NUDCD3: variants seen among roughly 807,000 people sequenced by gnomAD.
NUDCD3 encodes the protein nudC domain-containing protein 3.
In NUDCD3, 13 loss-of-function variants were observed where a neutral mutation model predicts 39.7. The ratio of observed to expected loss-of-function variants is 0.33; its 90% CI spans 0.21 to 0.52. The LOEUF is 0.52. Among genes scored for constraint, NUDCD3 ranks in the 20% least tolerant of loss-of-function variants. The pLI, the probability that NUDCD3 is intolerant of heterozygous loss-of-function variation, is 0.96. For missense variants in NUDCD3, 453 were observed against 458.1 expected (o/e 0.99, Z 0.10); for synonymous variants, 175 against 172.4 (o/e 1.02, Z -0.12).
At chr7:44,436,541 A>G (rs563867655) in intron 2 of NUDCD3, among the ~76,000 whole-genome samples, 41 of 152,334 alleles carry the variant, frequency 2.7e-4, no homozygotes, top group African/African-American at 9.4e-4. Context: ...TACTCTCACC[A>G]GCAAAGTGGG....
Position 44,392,490 on chromosome 7 carries a change from G to T in NUDCD3, c.787-5C>A, listed in dbSNP as rs754743111. ...GCCCACCTTGCTCAGGTTCACCTGGGGACAAGCAGGACAGAGACCTGAGTC... is the reference window on the plus strand; with the variant it reads ...GCCCACCTTGCTCAGGTTCACCTGGTGACAAGCAGGACAGAGACCTGAGTC... On this transcript the variant is annotated splice_region_variant and splice_polypyrimidine_tract_variant and intron_variant, in intron 4 of 5. Coordinates refer to ENST00000355451, the MANE Select transcript of NUDCD3 (RefSeq NM_015332.4). 1 of 1,613,008 alleles carries T rather than the reference G, an allele frequency of 6.2e-7. No individual in the cohort carries two copies. Among genetic ancestry groups the T allele is most frequent in the Non-Finnish European group, 8.5e-7 (1 of 1,179,368 alleles).
intron 2 of NUDCD3, among the ~76,000 whole-genome samples, chr7:44,434,865 A>C (rs1184067573): frequency 6.6e-6 from 1 of 152,222 alleles, no homozygotes; most frequent in East Asian, 1.9e-4. Flanking sequence ...GGGAACACTA[A>C]TAGCATCTCT....
intron 3 of NUDCD3, among the ~76,000 whole-genome samples, chr7:44,411,034 T>C (rs1300313585): frequency 6.6e-6 from 1 of 152,062 alleles, no homozygotes; most frequent in Non-Finnish European, 1.5e-5. Flanking sequence ...CCAAGACAAT[T>C]CAATGGGAAA....
At chr7:44,430,698 A>G (rs1442539868) in intron 2 of NUDCD3, among the ~76,000 whole-genome samples, 1 of 152,158 alleles carries the variant, frequency 6.6e-6, no homozygotes, top group Non-Finnish European at 1.5e-5. Flanking sequence ...CTCTCAAGAA[A>G]GGAGAATGAG....
intron 4 of NUDCD3, chr7:44,402,821 C>A: frequency 2.5e-6 from 1 of 395,720 alleles, no homozygotes; most frequent in Non-Finnish European, 5.2e-6. Flanking sequence ...TAGTGTAATA[C>A]AGGCGGCCAG....
chr7:44,487,262 G>A (rs925324552), intron 1 of NUDCD3, among the ~76,000 whole-genome samples: 1 of 152,114 alleles, frequency 6.6e-6, no homozygotes, highest in African/African-American at 2.4e-5. Context: ...GGAAACGTAT[G>A]AGCTGCCTAA....
At chr7:44,388,199 C>T (rs892581854) in intron 5 of NUDCD3, among the ~76,000 whole-genome samples, 7 of 152,242 alleles carry the variant, frequency 4.6e-5, no homozygotes, top group Admixed American at 1.3e-4. Flanking sequence ...TCTGAGTTCA[C>T]ACCATAAATG....
intron 2 of NUDCD3, among the ~76,000 whole-genome samples, chr7:44,437,588 C>T (rs1799492000): frequency 6.6e-6 from 1 of 152,096 alleles, no homozygotes; most frequent in Non-Finnish European, 1.5e-5. Flanking sequence ...GTGTGGGGGC[C>T]ACAGGGGTTG....
At chr7:44,406,996 G>T (rs1798835074) in intron 3 of NUDCD3, among the ~76,000 whole-genome samples, 1 of 152,152 alleles carries the variant, frequency 6.6e-6, no homozygotes, top group Admixed American at 6.5e-5. Flanking sequence ...AAAGGGACAG[G>T]AATCCCTCTG....
At chr7:44,446,070 G>A (rs1203484710) in intron 2 of NUDCD3, among the ~76,000 whole-genome samples, 1 of 152,148 alleles carries the variant, frequency 6.6e-6, no homozygotes, top group African/African-American at 2.4e-5. Context: ...CTTACCTATG[G>A]GTCTATGCCA....
chr7:44,431,257 T>G (rs1703002409), intron 2 of NUDCD3, among the ~76,000 whole-genome samples: 1 of 151,376 alleles, frequency 6.6e-6, no homozygotes. Context: ...AGGGTGGGAG[T>G]AGGAAAGTGA....
chr7:44,479,255 G>T (rs1488860205), intron 2 of NUDCD3, among the ~76,000 whole-genome samples: 1 of 152,146 alleles, frequency 6.6e-6, no homozygotes, highest in East Asian at 1.9e-4. Context: ...TCTTGACTGT[G>T]GTGGTTACAA....
Position 44,385,937 on chromosome 7 carries a change from C to A in NUDCD3, c.*74G>T, listed in dbSNP as rs998681786. 1.3e-6 allele frequency: 1 copy of A among 786,496 alleles called. No homozygotes were observed. The highest frequency in any genetic ancestry group is 1.8e-5 in the Admixed American group (1 of 55,192). The allele number at this position is 786,496 out of a possible 1,614,324, so 48.7% of individuals were successfully genotyped here. A position where few individuals can be genotyped will look rare whatever the true frequency, so the allele number is the denominator to read the frequency against. ...ACAAGACGAGCAAGTCCCTGGAATG[C>A]AGGGAGCCAAGAAGGGCAGCCGAGG... On this transcript the variant is annotated 3_prime_UTR_variant, in exon 6 of 6. Coordinates refer to ENST00000355451, the MANE Select transcript of NUDCD3 (RefSeq NM_015332.4).
chr7:44,422,174 C>T (rs1486120773), intron 3 of NUDCD3, among the ~76,000 whole-genome samples: 1 of 152,146 alleles, frequency 6.6e-6, no homozygotes, highest in African/African-American at 2.4e-5. Context: ...TAAATGCCCA[C>T]ATCAGAAAGT....
At chr7:44,483,389 T>C (rs1327752739) in intron 2 of NUDCD3, among the ~76,000 whole-genome samples, 4 of 152,150 alleles carry the variant, frequency 2.6e-5, no homozygotes, top group Non-Finnish European at 5.9e-5. Context: ...AAATGGAAGA[T>C]GAAATAAAGG....
chr7:44,458,329 G>A (rs1461594029), intron 2 of NUDCD3, among the ~76,000 whole-genome samples: 1 of 152,188 alleles, frequency 6.6e-6, no homozygotes. Flanking sequence ...AATGAGGAGT[G>A]AATGCTAATG....
intron 2 of NUDCD3, among the ~76,000 whole-genome samples, chr7:44,460,447 T>C (rs940001212): frequency 2.0e-5 from 3 of 152,180 alleles, no homozygotes; most frequent in Admixed American, 2.0e-4. Context: ...ATTATGAACA[T>C]GCTCTACTGC....
At chr7:44,398,283 T>C (rs1259958925) in intron 4 of NUDCD3, among the ~76,000 whole-genome samples, 1 of 152,188 alleles carries the variant, frequency 6.6e-6, no homozygotes, top group Non-Finnish European at 1.5e-5. Context: ...ATCTATCTAT[T>C]GCTGTCAGTA....
chr7:44,392,168 G>T, intron 5 of NUDCD3, 129 bp downstream of exon 5: 1 of 830,654 alleles, frequency 1.2e-6, no homozygotes. Flanking sequence ...TGCTAGGCTA[G>T]GACATGGCAG....
Sources: gnomAD v4.1 joint callset for allele counts (sites outside exome capture counted in the v4.1 genomes callset) on GRCh38, gnomAD v4.1.1 for gene constraint, MANE v1.5 for transcripts, NCBI Gene and HGNC (gene_info 2026-07-23, HGNC 2026-07-21) for gene names.